Variants in RERE observed in about 807,000 individuals in gnomAD.
RERE encodes arginine-glutamic acid dipeptide repeats protein.
Under a neutral mutation model 146.1 loss-of-function variants are expected in RERE, and 40 were observed. The ratio of observed to expected loss-of-function variants is 0.27; its 90% CI spans 0.21 to 0.36. The LOEUF is 0.36. Among genes scored for constraint, RERE ranks in the 10% least tolerant of loss-of-function variants. The probability of loss-of-function intolerance (pLI) is 1.00; values close to 1 mark genes in which losing one functional copy is unlikely to be tolerated. For synonymous variants in RERE, 1,003 were observed against 866.0 expected (o/e 1.16, Z -2.78); for missense variants, 1,933 against 2,138.7 (o/e 0.90, Z 1.90).
chr1:8,370,957 G>A (rs1570071570), intron 12 of RERE, among the ~76,000 whole-genome samples: 1 of 152,118 alleles, frequency 6.6e-6, no homozygotes, highest in African/African-American at 2.4e-5. Flanking sequence ...AAATGTTGTC[G>A]ACATGAATGG....
rs568466545 is a variant in RERE, at chr1:8,484,695, T to C, written c.1104+10368A>G. Among the ~76,000 whole-genome samples the C allele has an allele frequency of 6.6e-5, 10 of 152,318 alleles. No homozygotes were observed. In the South Asian group the frequency reaches 2.1e-3, roughly 32 times the overall value. ...ACCTTGGCCTCCCAATGTGCTGGGA[T>C]TACAGGTGTGAGCCACTGTGCCCAG... On this transcript the variant is annotated intron_variant, in intron 10 of 22. Coordinates refer to ENST00000400908, the MANE Select transcript of RERE (RefSeq NM_001042681.2).
At chr1:8,758,210 C>G in intron 1 of RERE, among the ~76,000 whole-genome samples, 1 of 151,604 alleles carries the variant, frequency 6.6e-6, no homozygotes, top group Non-Finnish European at 1.5e-5. Context: ...CTGAGTCTCT[C>G]GAGTAGCTGG....
chr1:8,658,764 AAAAG>A (rs532783647), intron 1 of RERE, among the ~76,000 whole-genome samples: 2,203 of 151,888 alleles, frequency 0.015, 39 homozygotes, highest in African/African-American at 0.047. Flanking sequence ...TCAAAAAAAA[AAAAG>A]AAAGAAAGAA....
intron 4 of RERE, among the ~76,000 whole-genome samples, chr1:8,597,703 G>A (rs1236148864): frequency 1.3e-5 from 2 of 152,016 alleles, no homozygotes; most frequent in African/African-American, 2.4e-5. Flanking sequence ...GTGCACACTC[G>A]AAACAAGATC....
At chr1:8,463,354 G>A (rs376883564) in intron 11 of RERE, among the ~76,000 whole-genome samples, 3 of 152,246 alleles carry the variant, frequency 2.0e-5, no homozygotes, top group South Asian at 2.1e-4. Context: ...AAACGGATAC[G>A]GATGTATACA....
intron 2 of RERE, among the ~76,000 whole-genome samples, chr1:8,646,358 C>T (rs957732731): frequency 8.6e-5 from 13 of 151,988 alleles, no homozygotes; most frequent in Non-Finnish European, 5.9e-5. Context: ...AAAACAAGAT[C>T]CCTTCTCTAA....
At chr1:8,630,904 G>C (rs2124249909) in intron 2 of RERE, among the ~76,000 whole-genome samples, 1 of 152,292 alleles carries the variant, frequency 6.6e-6, no homozygotes. Context: ...AAAGATCCCA[G>C]ATAACATATA....
At chr1:8,655,121 C>A (rs1638239653) in intron 2 of RERE, among the ~76,000 whole-genome samples, 1 of 151,940 alleles carries the variant, frequency 6.6e-6, no homozygotes, top group South Asian at 2.1e-4. Flanking sequence ...GGTTAGATGA[C>A]TACTTCTATT....
intron 1 of RERE, among the ~76,000 whole-genome samples, chr1:8,703,447 G>A (rs1569586159): frequency 6.6e-6 from 1 of 151,768 alleles, no homozygotes; most frequent in Non-Finnish European, 1.5e-5. Flanking sequence ...CCGCGACGGC[G>A]GCGGCCGGCA....
chr1:8,708,844 C>T (rs1458966466), intron 1 of RERE, among the ~76,000 whole-genome samples: 2 of 150,588 alleles, frequency 1.3e-5, no homozygotes, highest in Non-Finnish European at 2.9e-5. Flanking sequence ...TTTAAGCAAA[C>T]TATCTACTTC....
intron 8 of RERE, among the ~76,000 whole-genome samples, chr1:8,506,029 T>C (rs1294780972): frequency 6.6e-6 from 1 of 152,182 alleles, no homozygotes; most frequent in Non-Finnish European, 1.5e-5. Flanking sequence ...TAAGCATCTT[T>C]TCCTTAGGAA....
intron 2 of RERE, among the ~76,000 whole-genome samples, chr1:8,644,894 G>A (rs1422826750): frequency 2.6e-5 from 4 of 152,172 alleles, no homozygotes; most frequent in South Asian, 4.1e-4. Context: ...TTGCATTTTC[G>A]AAGAAATCAG....
At chr1:8,780,325 A>G (rs1641141825) in intron 1 of RERE, among the ~76,000 whole-genome samples, 1 of 152,174 alleles carries the variant, frequency 6.6e-6, no homozygotes, top group South Asian at 2.1e-4. Context: ...TTACCTCAGA[A>G]AGCAAAGACT....
chr1:8,442,267 C>A (rs1644259406), intron 11 of RERE, among the ~76,000 whole-genome samples: 1 of 152,018 alleles, frequency 6.6e-6, no homozygotes, highest in Non-Finnish European at 1.5e-5. Context: ...CGCCTGTAAT[C>A]CCAGCTACTC....
At chr1:8,718,469 C>T (rs1441656919) in intron 1 of RERE, among the ~76,000 whole-genome samples, 2 of 152,222 alleles carry the variant, frequency 1.3e-5, no homozygotes, top group Non-Finnish European at 2.9e-5. Flanking sequence ...AGAAATGGTG[C>T]AAGCCAATGG....
At chr1:8,668,026 A>G (rs1456181312) in intron 1 of RERE, among the ~76,000 whole-genome samples, 2 of 152,248 alleles carry the variant, frequency 1.3e-5, no homozygotes, top group South Asian at 4.1e-4. Context: ...AGATACTGCC[A>G]CATATCCCCT....
rs1320760594 is a variant in RERE at position 8,650,820 on chromosome 1, C to A, written c.325+5153G>T. 2.0e-5 allele frequency among the ~76,000 whole-genome samples: 3 copies of A among 151,992 alleles called. 1 individual carries two copies. The highest frequency in any genetic ancestry group is 4.4e-5 in the Non-Finnish European group (3 of 67,984). ...GCTGAGGCAGGAGAATCGCTTGAACCCAGGAGGCGGAGGTTGCAGTGAGCC... is the reference window on the plus strand; with the variant it reads ...GCTGAGGCAGGAGAATCGCTTGAACACAGGAGGCGGAGGTTGCAGTGAGCC... On this transcript the variant is annotated intron_variant, in intron 2 of 22. Transcript: ENST00000400908.
intron 4 of RERE, among the ~76,000 whole-genome samples, chr1:8,565,143 T>C (rs1646137552): frequency 2.6e-5 from 4 of 152,234 alleles, no homozygotes; most frequent in Middle Eastern, 3.4e-3. Context: ...GTTTTTTAAA[T>C]GATCGACTGC....
At chr1:8,552,923 C>T (rs1357750572) in intron 6 of RERE, among the ~76,000 whole-genome samples, 2 of 152,108 alleles carry the variant, frequency 1.3e-5, no homozygotes, top group African/African-American at 2.4e-5. Flanking sequence ...AGTGCGTTCA[C>T]ACACACGTGA....
Sources: allele counts gnomAD v4.1 joint callset (sites outside exome capture counted in the v4.1 genomes callset), GRCh38; gene constraint gnomAD v4.1.1; transcripts MANE v1.5; gene names NCBI Gene and HGNC (gene_info 2026-07-23, HGNC 2026-07-21).